MGAT4A: variants seen among roughly 807,000 people sequenced by gnomAD.
MGAT4A encodes the protein N-acetylglucosaminyltransferase IVa.
In MGAT4A, 33 loss-of-function variants were observed where a neutral mutation model predicts 74.1. The ratio of observed to expected loss-of-function variants is 0.45; its 90% CI spans 0.34 to 0.60. The LOEUF is 0.60. MGAT4A is among the 20% of genes least tolerant of loss of function. The pLI is 0.02. For missense variants in MGAT4A, 479 were observed against 628.3 expected (o/e 0.76, Z 2.54); for synonymous variants, 198 against 210.4 (o/e 0.94, Z 0.51).
Position 98,726,493 on chromosome 2 carries a change from AGCAATGCT to A in MGAT4A, c.-169_-162del. On this transcript the variant is annotated 5_prime_UTR_variant, in exon 2 of 16. Coordinates refer to ENST00000393487, the MANE Select transcript of MGAT4A (RefSeq NM_012214.3). Reference sequence around the variant, plus strand: ...AGATGATCTGCAGGAGGAGCCTAGCAGCAATGCTGTTCACAACTGTACTCGGGATCGTC... The same window carrying A: ...AGATGATCTGCAGGAGGAGCCTAGCAGTTCACAACTGTACTCGGGATCGTC... 1.7e-6 allele frequency: 1 copy of A among 574,004 alleles called. No homozygotes were observed. The highest frequency in any genetic ancestry group is 3.1e-6 in the Non-Finnish European group (1 of 324,768). 35.6% of individuals were successfully genotyped at this position (574,004 alleles called of 1,614,324 possible). A position where few individuals can be genotyped will look rare whatever the true frequency, so the allele number is the denominator to read the frequency against.
At chr2:98,699,306 A>C (rs1264408577) in intron 2 of MGAT4A, among the ~76,000 whole-genome samples, 2 of 152,232 alleles carry the variant, frequency 1.3e-5, no homozygotes, top group East Asian at 3.8e-4. Context: ...GGTGTTCAGC[A>C]TAACCACACA....
chr2:98,654,374 CATT>C (rs2104257686), intron 8 of MGAT4A, among the ~76,000 whole-genome samples: 1 of 152,160 alleles, frequency 6.6e-6, no homozygotes, highest in Non-Finnish European at 1.5e-5. Context: ...GTAAAATTAT[CATT>C]ATTTGCAGAT....
At chr2:98,674,672 A>C (rs1329851711) in intron 4 of MGAT4A, among the ~76,000 whole-genome samples, 1 of 152,248 alleles carries the variant, frequency 6.6e-6, no homozygotes, top group Admixed American at 6.5e-5. Flanking sequence ...AAAGTGGGGC[A>C]GACATAAGAA....
At chr2:98,635,758 C>T (rs951566831) in intron 13 of MGAT4A, among the ~76,000 whole-genome samples, 5 of 151,954 alleles carry the variant, frequency 3.3e-5, no homozygotes, top group Non-Finnish European at 5.9e-5. Flanking sequence ...TTTGGGAGGC[C>T]GAGGCGGGTG....
intron 10 of MGAT4A, among the ~76,000 whole-genome samples, chr2:98,643,482 C>T (rs755088354): frequency 1.8e-4 from 28 of 152,148 alleles, no homozygotes; most frequent in Admixed American, 3.3e-4. Context: ...GGTACTTTAA[C>T]GTCTCATTGT....
chr2:98,704,068 G>T (rs779908046), intron 2 of MGAT4A, among the ~76,000 whole-genome samples: 4 of 152,154 alleles, frequency 2.6e-5, no homozygotes, highest in Non-Finnish European at 5.9e-5. Flanking sequence ...TGTAAGTAGG[G>T]TCTGTATGGC....
chr2:98,627,233 C>T (rs953599912), intron 14 of MGAT4A, among the ~76,000 whole-genome samples: 30 of 152,170 alleles, frequency 2.0e-4, no homozygotes, highest in African/African-American at 7.0e-4. Context: ...GTATAAAGAG[C>T]TTGATGGTGC....
chr2:98,640,297 A>G (rs1259821870), intron 10 of MGAT4A, 69 bp from the exon 11 acceptor site: 5 of 1,267,898 alleles, frequency 3.9e-6, no homozygotes, highest in Non-Finnish European at 5.6e-6. Context: ...CTGGAAAATG[A>G]GAAGTCCTTT....
At position 98,653,637 on chromosome 2, in the gene MGAT4A, T is replaced by G. The variant is rs1701614931; in HGVS notation, c.774+1808A>C. 1.3e-5 allele frequency among the ~76,000 whole-genome samples: 2 copies of G among 152,102 alleles called. 1 individual carries two copies. Among genetic ancestry groups the G allele is most frequent in the South Asian group, 4.1e-4 (2 of 4,828 alleles). ...GGTGAATCATGGAGAAATAAAAACT[T>G]TGAACACACTTATAATAACTAAGGG... is the stretch of plus-strand genomic sequence containing the variant. On this transcript the variant is annotated intron_variant, in intron 8 of 15. Transcript: ENST00000393487.
At chr2:98,683,629 G>A (rs1702092525) in intron 2 of MGAT4A, among the ~76,000 whole-genome samples, 1 of 151,978 alleles carries the variant, frequency 6.6e-6, no homozygotes, top group Non-Finnish European at 1.5e-5. Flanking sequence ...ATCAGCTCCT[G>A]AGTGGTAGAA....
At chr2:98,630,550 G>C (rs568881914) in intron 14 of MGAT4A, among the ~76,000 whole-genome samples, 1 of 152,228 alleles carries the variant, frequency 6.6e-6, no homozygotes, top group East Asian at 1.9e-4. Flanking sequence ...TCTTAAGCTG[G>C]AGGGTGGATA....
In MGAT4A at chr2:98,624,757, CACTT is replaced by C. The variant is rs1017084100; in HGVS notation, c.*805_*808del. ...ACAATAATCTGGGTTGAATGCATCA[CACTT>C]ACACATTGAAAATTTATCAGACTGA... On this transcript the variant is annotated 3_prime_UTR_variant, in exon 16 of 16. Transcript: ENST00000393487. 6 of 983,816 alleles carry C rather than the reference CACTT, an allele frequency of 6.1e-6. No individual in the cohort carries two copies. The African/African-American group carries it at 1.0e-4, about 17-fold the overall frequency. The allele number at this position is 983,816 out of a possible 1,614,324, so 60.9% of individuals were successfully genotyped here. A position where few individuals can be genotyped will look rare whatever the true frequency, so the allele number is the denominator to read the frequency against.
intron 4 of MGAT4A, among the ~76,000 whole-genome samples, chr2:98,671,750 T>A (rs1701913819): frequency 6.6e-6 from 1 of 152,036 alleles, no homozygotes; most frequent in Middle Eastern, 3.4e-3. Context: ...TTAAAGTTCT[T>A]GAGATGGGGT....
At position 98,714,707 on chromosome 2, in the gene MGAT4A, C is replaced by G. The variant is rs758867288; in HGVS notation, c.94+11532G>C. Among the ~76,000 whole-genome samples, 40 of 152,208 alleles carry G rather than the reference C, an allele frequency of 2.6e-4. No homozygotes were observed. The Middle Eastern group carries it at 0.024, about 91-fold the overall frequency. ...AAATACAGGACAAGCCTGGAGCATG[C>G]TATGGCACCAGAAAGGAAAAAATGG... On this transcript the variant is annotated intron_variant, in intron 2 of 15. Coordinates refer to ENST00000393487, the MANE Select transcript of MGAT4A (RefSeq NM_012214.3).
chr2:98,703,776 C>T (rs1702383767), intron 2 of MGAT4A, among the ~76,000 whole-genome samples: 1 of 152,174 alleles, frequency 6.6e-6, no homozygotes, highest in African/African-American at 2.4e-5. Context: ...TCCTAATGTG[C>T]CACACTCATC....
At chr2:98,724,054 C>T (rs534902809) in intron 2 of MGAT4A, among the ~76,000 whole-genome samples, 125 of 152,328 alleles carry the variant, frequency 8.2e-4, no homozygotes, top group African/African-American at 2.5e-3. Flanking sequence ...CTAACTCTAT[C>T]TGATGGTAAA....
At chr2:98,730,708 A>G (rs1255062306) in intron 1 of MGAT4A, among the ~76,000 whole-genome samples, 9 of 149,424 alleles carry the variant, frequency 6.0e-5, no homozygotes, top group Non-Finnish European at 8.9e-5. Context: ...GGAACGCACC[A>G]GGCGCCGAGC....
intron 2 of MGAT4A, among the ~76,000 whole-genome samples, chr2:98,707,557 G>A (rs964599495): frequency 8.6e-5 from 13 of 152,024 alleles, no homozygotes; most frequent in African/African-American, 1.7e-4. Flanking sequence ...CACTTCTCCC[G>A]ATGTTACAGC....
Position 98,622,811 on chromosome 2 carries a change from G to T in MGAT4A, c.*2755C>A, listed in dbSNP as rs1701080521. The T allele has an allele frequency of 2.0e-6, 2 of 985,562 alleles. No homozygotes were observed. The highest frequency in any genetic ancestry group is 9.4e-5 in the South Asian group (2 of 21,288). The allele number at this position is 985,562 out of a possible 1,614,324, so 61.1% of individuals were successfully genotyped here. On this transcript the variant is annotated 3_prime_UTR_variant, in exon 16 of 16. Coordinates refer to ENST00000393487, the MANE Select transcript of MGAT4A (RefSeq NM_012214.3). ...ACAAACAATCAAAAACTAGACAACC[G>T]ATTGTGTATGCAAGAGTATGGCAAC...
Sources: gnomAD v4.1 joint callset for allele counts (sites outside exome capture counted in the v4.1 genomes callset) on GRCh38, gnomAD v4.1.1 for gene constraint, MANE v1.5 for transcripts, NCBI Gene and HGNC (gene_info 2026-07-23, HGNC 2026-07-21) for gene names.